The following LTO1 variants were observed in gnomAD, a reference collection of about 807,000 sequenced individuals.
LTO1 encodes LTO1 maturation factor of ABCE1, also known as protein LTO1 homolog.
Under a neutral mutation model 19.8 loss-of-function variants are expected in LTO1, and 18 were observed. That is an observed-to-expected ratio of 0.91 (90% CI 0.63 to 1.35). The LOEUF is 1.35. LTO1 is among the 40% of genes most tolerant of loss of function. The pLI is 0.00. For missense variants in LTO1, 175 were observed against 167.9 expected (o/e 1.04, Z -0.23); for synonymous variants, 59 against 59.6 (o/e 0.99, Z 0.05).
intron 1 of LTO1, among the ~76,000 whole-genome samples, chr11:69,673,576 T>G (rs965597571): frequency 1.3e-5 from 2 of 151,942 alleles, no homozygotes; most frequent in Non-Finnish European, 2.9e-5. Flanking sequence ...TTCCCAAACC[T>G]GATAGGGTAC....
Position 69,675,284 on chromosome 11 carries a change from G to T in LTO1, c.-45C>A. On this transcript the variant is annotated 5_prime_UTR_variant, in exon 1 of 5. Coordinates refer to ENST00000279147, the MANE Select transcript of LTO1 (RefSeq NM_153451.3). ...TTGGCCCCCGGGTTTCTGCAGCCCC[G>T]CGGTGCCGTAGCAGACCCGGCAGCT... 1 of 1,437,598 alleles carries T rather than the reference G, an allele frequency of 7.0e-7. No homozygotes were observed. The highest frequency in any genetic ancestry group is 9.2e-7 in the Non-Finnish European group (1 of 1,083,932). The allele number at this position is 1,437,598 out of a possible 1,614,324, so 89.1% of individuals were successfully genotyped here.
chr11:69,673,202 G>C lies in LTO1; in HGVS notation c.156+14C>G, dbSNP rs1230946190. On this transcript the variant is annotated intron_variant, in intron 2 of 4. Coordinates refer to ENST00000279147, the MANE Select transcript of LTO1 (RefSeq NM_153451.3). ...ATGAAGAGGCTTCATCTCCAGATGG[G>C]GGTTCCCACTTACCTCAGACCCGAT... 1 of 1,390,918 alleles carries C rather than the reference G, an allele frequency of 7.2e-7. No individual in the cohort carries two copies. Among genetic ancestry groups the C allele is most frequent in the Non-Finnish European group, 1.0e-6 (1 of 976,146 alleles). The allele number at this position is 1,390,918 out of a possible 1,614,324, so 86.2% of individuals were successfully genotyped here. A position where few individuals can be genotyped will look rare whatever the true frequency, so the allele number is the denominator to read the frequency against.
At chr11:69,669,652 G>A (rs1156940392) in intron 3 of LTO1, among the ~76,000 whole-genome samples, 2 of 152,168 alleles carry the variant, frequency 1.3e-5, no homozygotes, top group East Asian at 1.9e-4. Context: ...CCAGCCGGGC[G>A]CACCATCAGA....
intron 2 of LTO1, 127 bp from the exon 3 acceptor site, chr11:69,671,946 C>T: frequency 4.4e-6 from 3 of 685,280 alleles, no homozygotes; most frequent in Non-Finnish European, 7.9e-6. Flanking sequence ...GTTCTGGAAG[C>T]ACCTGTTGAG....
chr11:69,673,302 G>A lies in LTO1; in HGVS notation c.70C>T (p.Arg24Trp), dbSNP rs149170616. ...ADERFHGEGY[R>W]EGYEEGSSLG... ...CTACTGCCTTCTTCATAGCCTTCCC[G>A]ATACCCTTCCCCATGAAACCTGTGA... The change falls in exon 2 of 5, where the codon CGG becomes TGG. Residue 24 changes from arginine to tryptophan, a missense_variant. By Grantham distance (101) the Arg-to-Trp change is moderately radical. Coordinates refer to ENST00000279147, the MANE Select transcript of LTO1 (RefSeq NM_153451.3). 1.9e-5 allele frequency: 30 copies of A among 1,609,474 alleles called. No individual in the cohort carries two copies. Among genetic ancestry groups the A allele is most frequent in the Middle Eastern group, 1.6e-4 (1 of 6,076 alleles).
chr11:69,667,696 T>C (rs1178407521), intron 4 of LTO1, 109 bp from the exon 5 acceptor site: 10 of 829,322 alleles, frequency 1.2e-5, no homozygotes, highest in Admixed American at 1.0e-4. Context: ...GGCCAGCCCA[T>C]AAATGAGTTC....
At chr11:69,671,038 C>T (rs1306545564) in intron 3 of LTO1, among the ~76,000 whole-genome samples, 4 of 152,140 alleles carry the variant, frequency 2.6e-5, no homozygotes, top group Non-Finnish European at 5.9e-5. Context: ...GTAGCTGGCA[C>T]TACAGACACA....
At chr11:69,669,807 G>A (rs536629631) in intron 3 of LTO1, among the ~76,000 whole-genome samples, 4 of 152,308 alleles carry the variant, frequency 2.6e-5, no homozygotes, top group African/African-American at 7.2e-5. Context: ...GAAGTGTCAC[G>A]CAGTTTACCG....
intron 3 of LTO1, chr11:69,668,256 CCA>C: frequency 4.7e-6 from 2 of 423,326 alleles, no homozygotes; most frequent in Non-Finnish European, 8.6e-6. Flanking sequence ...TCCATTCCGA[CCA>C]CGGGGCCAAG....
chr11:69,675,246 AAGC>A lies in LTO1; in HGVS notation c.-10_-8del. ...TGTCCTGACTGCCAGCCATAGCGGC[AAGC>A]AGCCCGCCCTTGGCCCCCGGGTTTC... On this transcript the variant is annotated 5_prime_UTR_variant, in exon 1 of 5. Coordinates refer to ENST00000279147, the MANE Select transcript of LTO1 (RefSeq NM_153451.3). 1.3e-6 allele frequency: 2 copies of A among 1,495,540 alleles called. No individual in the cohort carries two copies. Among genetic ancestry groups the A allele is most frequent in the Non-Finnish European group, 1.8e-6 (2 of 1,124,158 alleles). 92.6% of individuals were successfully genotyped at this position (1,495,540 alleles called of 1,614,324 possible). A position where few individuals can be genotyped will look rare whatever the true frequency, so the allele number is the denominator to read the frequency against.
At chr11:69,667,622 G>A in intron 4 of LTO1, 35 bp from the exon 5 acceptor site, 1 of 1,453,076 alleles carries the variant, frequency 6.9e-7, no homozygotes, top group Non-Finnish European at 9.7e-7. Flanking sequence ...TTTTAATCTT[G>A]TGCATTTTTA....
intron 3 of LTO1, among the ~76,000 whole-genome samples, chr11:69,670,439 G>A (rs948056385): frequency 2.6e-5 from 4 of 152,208 alleles, no homozygotes; most frequent in African/African-American, 7.2e-5. Context: ...TGCCAACAGC[G>A]ATTCCCCTGG....
At chr11:69,672,083 C>T (rs996810852) in intron 2 of LTO1, 3 of 432,082 alleles carry the variant, frequency 6.9e-6, no homozygotes, top group Admixed American at 3.5e-5. Context: ...GGGTGGCTTT[C>T]GTAACCAACA....
At position 69,675,172 on chromosome 11, in the gene LTO1, C is replaced by T; in HGVS notation, c.50+18G>A. ...ACGACCAGACAGGGCGGGGTGCGGG[C>T]CCGGCCTCACCACCCACCTCTCATC... is the stretch of plus-strand genomic sequence containing the variant. On this transcript the variant is annotated intron_variant, in intron 1 of 4. Coordinates refer to ENST00000279147, the MANE Select transcript of LTO1 (RefSeq NM_153451.3). 2 of 1,586,738 alleles carry T rather than the reference C, an allele frequency of 1.3e-6. No individual in the cohort carries two copies. Among genetic ancestry groups the T allele is most frequent in the Non-Finnish European group, 1.7e-6 (2 of 1,168,190 alleles).
Position 69,671,695 on chromosome 11 carries a change from G to A in LTO1, c.227+54C>T, listed in dbSNP as rs748707524. On this transcript the variant is annotated intron_variant, in intron 3 of 4. Coordinates refer to ENST00000279147, the MANE Select transcript of LTO1 (RefSeq NM_153451.3). ...ACTCAAGGGCATGCTGGTAACCCATGGAACTAGAACTCCTGGTTCCTACGC... is the reference window on the plus strand; with the variant it reads ...ACTCAAGGGCATGCTGGTAACCCATAGAACTAGAACTCCTGGTTCCTACGC... The A allele has an allele frequency of 3.1e-6, 3 of 962,938 alleles. No individual in the cohort carries two copies. The Admixed American group carries it at 5.1e-5, about 16-fold the overall frequency. The allele number at this position is 962,938 out of a possible 1,614,324, so 59.6% of individuals were successfully genotyped here. A position where few individuals can be genotyped will look rare whatever the true frequency, so the allele number is the denominator to read the frequency against.
rs751982978 is a variant in LTO1, at chr11:69,673,256, C to T, written c.116G>A (p.Arg39Lys). The T allele has an allele frequency of 5.6e-6, 9 of 1,609,918 alleles. No individual in the cohort carries two copies. Among genetic ancestry groups the T allele is most frequent in the Non-Finnish European group, 7.7e-6 (9 of 1,176,140 alleles). ...GGCTCCATGCAGCGTGCCATGCTGC[C>T]TTCCCTCCATCACACCCAAACTACT... is the stretch of plus-strand genomic sequence containing the variant. ...EGSSLGVMEG[R>K]QHGTLHGAKI... The change falls in exon 2 of 5, where the codon AGG (arginine) becomes AAG (lysine). Residue 39 changes from arginine (R) to lysine (K), a missense_variant. Transcript: ENST00000279147.
rs1856022911 is a variant in LTO1, at chr11:69,665,610, A to C, written c.*1909T>G. On this transcript the variant is annotated 3_prime_UTR_variant, in exon 5 of 5. Coordinates refer to ENST00000279147, the MANE Select transcript of LTO1 (RefSeq NM_153451.3). ...TACTTTTTTTACAGTTATAAAAATA[A>C]TACATTATCAAAATAGACAACTTAC... 1.3e-5 allele frequency: 2 copies of C among 152,252 alleles called. No individual in the cohort carries two copies. The highest frequency in any genetic ancestry group is 1.3e-4 in the Admixed American group (2 of 15,290). 9.4% of individuals were successfully genotyped at this position (152,252 alleles called of 1,614,324 possible). A position where few individuals can be genotyped will look rare whatever the true frequency, so the allele number is the denominator to read the frequency against.
rs1213517680 is a variant in LTO1, at chr11:69,673,133, C to A, written c.156+83G>T. ...TGTGATTTTAAAAGGCCTGACAATT[C>A]TTACTCCATCACACTGAATATCGAA... On this transcript the variant is annotated intron_variant, in intron 2 of 4. Transcript: ENST00000279147. The A allele has an allele frequency of 5.7e-6, 5 of 874,112 alleles. No individual in the cohort carries two copies. In the Admixed American group the frequency reaches 8.6e-5, roughly 15 times the overall value. The allele number at this position is 874,112 out of a possible 1,614,324, so 54.1% of individuals were successfully genotyped here.
chr11:69,675,125 C>T (rs1350229066), intron 1 of LTO1, 65 bp downstream of exon 1: 5 of 1,463,276 alleles, frequency 3.4e-6, no homozygotes, highest in Middle Eastern at 1.7e-4. Flanking sequence ...TGGGCCGCAG[C>T]CGGCGGCGAA....
Sources: allele counts gnomAD v4.1 joint callset (sites outside exome capture counted in the v4.1 genomes callset), GRCh38; gene constraint gnomAD v4.1.1; transcripts MANE v1.5; gene names NCBI Gene and HGNC (gene_info 2026-07-23, HGNC 2026-07-21).